ISCA1: variants seen among roughly 807,000 people sequenced by gnomAD.
ISCA1 encodes iron-sulfur cluster assembly 1 homolog, mitochondrial.
Under a neutral mutation model 14.7 loss-of-function variants are expected in ISCA1, and 9 were observed. The ratio of observed to expected loss-of-function variants is 0.61; its 90% CI spans 0.37 to 1.07. The LOEUF is 1.07. Ranked by LOEUF, ISCA1 falls within the 50% of genes least tolerant of loss-of-function variation. The pLI is 0.01. For synonymous variants in ISCA1, 38 were observed against 54.3 expected (o/e 0.70, Z 1.32); for missense variants, 102 against 150.1 (o/e 0.68, Z 1.67).
chr9:86,268,039 A>C (rs542528324), intron 3 of ISCA1, among the ~76,000 whole-genome samples: 65 of 152,040 alleles, frequency 4.3e-4, no homozygotes, highest in Non-Finnish European at 5.7e-4. Context: ...ATGATAATAA[A>C]TGGTTATGTT....
intron 3 of ISCA1, 47 bp from the exon 4 acceptor site, chr9:86,266,238 G>C: frequency 6.5e-7 from 1 of 1,543,444 alleles, no homozygotes; most frequent in Middle Eastern, 1.7e-4. Flanking sequence ...CAGCCTTATG[G>C]AACTTGCTGA....
At position 86,271,980 on chromosome 9, in the gene ISCA1, C is replaced by A. The variant is rs77138723; in HGVS notation, c.241+27G>T. On this transcript the variant is annotated intron_variant, in intron 3 of 3. Transcript: ENST00000375991. ...TAATAATTTTAGGCAAAACAATGTG[C>A]CCAAAAAATGTTTGTTAAAAACTCA... The A allele has an allele frequency of 5.2e-6, 7 of 1,336,066 alleles. No homozygotes were observed. The African/African-American group carries it at 8.7e-5, about 17-fold the overall frequency. 82.8% of individuals were successfully genotyped at this position (1,336,066 alleles called of 1,614,324 possible). A position where few individuals can be genotyped will look rare whatever the true frequency, so the allele number is the denominator to read the frequency against.
chr9:86,270,222 C>T (rs1825350644), intron 3 of ISCA1, among the ~76,000 whole-genome samples: 1 of 139,514 alleles, frequency 7.2e-6, no homozygotes, highest in Non-Finnish European at 1.5e-5. Flanking sequence ...CCAGAATCTA[C>T]AATGAACTCA....
At position 86,265,879 on chromosome 9, in the gene ISCA1, A is replaced by G. The variant is rs911163370; in HGVS notation, c.*164T>C. On this transcript the variant is annotated 3_prime_UTR_variant, in exon 4 of 4. Transcript: ENST00000375991. ...GATGGCTTCTCATTTTCTGTCCCCT[A>G]TAGAGAATATAAATATCATTTCTTC... 4.5e-6 allele frequency: 5 copies of G among 1,110,604 alleles called. No homozygotes were observed. Among genetic ancestry groups the G allele is most frequent in the East Asian group, 4.7e-5 (2 of 42,484 alleles). 68.8% of individuals were successfully genotyped at this position (1,110,604 alleles called of 1,614,324 possible). A position where few individuals can be genotyped will look rare whatever the true frequency, so the allele number is the denominator to read the frequency against.
At chr9:86,267,661 C>T in intron 3 of ISCA1, 1 of 816,908 alleles carries the variant, frequency 1.2e-6, no homozygotes, top group East Asian at 1.3e-4. Flanking sequence ...GTTGATAATA[C>T]AGCTCCACTA....
In ISCA1 at chr9:86,274,331, T is replaced by C. The variant is rs1161739767; in HGVS notation, c.82-89A>G. On this transcript the variant is annotated intron_variant, in intron 1 of 3. Coordinates refer to ENST00000375991, the MANE Select transcript of ISCA1 (RefSeq NM_030940.4). Reference sequence around the variant, plus strand: ...TCTTCGTAAGTCTGTCTTTAGCAAATTCATGTGACAAATTTATGTTCCATT... The same window carrying C: ...TCTTCGTAAGTCTGTCTTTAGCAAACTCATGTGACAAATTTATGTTCCATT... The C allele has an allele frequency of 3.6e-6, 3 of 825,060 alleles. No homozygotes were observed. The Admixed American group carries it at 6.7e-5, about 19-fold the overall frequency. 51.1% of individuals were successfully genotyped at this position (825,060 alleles called of 1,614,324 possible). A position where few individuals can be genotyped will look rare whatever the true frequency, so the allele number is the denominator to read the frequency against.
chr9:86,272,134 A>G, intron 2 of ISCA1, 22 bp from the exon 3 acceptor site: 2 of 1,450,972 alleles, frequency 1.4e-6, no homozygotes, highest in Non-Finnish European at 1.9e-6. Context: ...GTGAAAATAT[A>G]AACTTGGTTT....
Position 86,272,066 on chromosome 9 carries a change from G to C in ISCA1, c.182C>G (p.Ser61Cys). The C allele has an allele frequency of 6.2e-7, 1 of 1,607,802 alleles. No homozygotes were observed. Among genetic ancestry groups the C allele is most frequent in the South Asian group, 1.1e-5 (1 of 90,718 alleles). Reference protein sequence around the residue: ...GVRTRGCNGLSYTLEYTKTKG... With the variant: ...GVRTRGCNGLCYTLEYTKTKG... ...TGTCTTTGTATATTCTAGAGTATAAGAAAGGCCATTACAGCCCCTGGTTCG... is the reference window on the plus strand; with the variant it reads ...TGTCTTTGTATATTCTAGAGTATAACAAAGGCCATTACAGCCCCTGGTTCG... The change falls in exon 3 of 4, where the codon TCT (serine) becomes TGT (cysteine). Residue 61 changes from serine (S) to cysteine (C), a missense_variant. Physicochemically the swap from Ser to Cys is moderately radical, Grantham distance 112 (BLOSUM62 -1). Coordinates refer to ENST00000375991, the MANE Select transcript of ISCA1 (RefSeq NM_030940.4).
At chr9:86,269,626 A>G (rs1264741673) in intron 3 of ISCA1, among the ~76,000 whole-genome samples, 2 of 152,042 alleles carry the variant, frequency 1.3e-5, no homozygotes, top group Non-Finnish European at 2.9e-5. Context: ...AAAAACCCGC[A>G]TCGCCAAGTC....
At chr9:86,277,013 G>A (rs1825446493) in intron 1 of ISCA1, among the ~76,000 whole-genome samples, 2 of 151,366 alleles carry the variant, frequency 1.3e-5, no homozygotes, top group Admixed American at 1.3e-4. Flanking sequence ...CAAAACAAAT[G>A]TGTCTGTCAC....
In ISCA1 at chr9:86,264,782, A is replaced by C. The variant is rs1564007566; in HGVS notation, c.*1261T>G. The C allele has an allele frequency of 6.6e-6, 1 of 152,294 alleles. No individual in the cohort carries two copies. Among genetic ancestry groups the C allele is most frequent in the Non-Finnish European group, 1.5e-5 (1 of 68,046 alleles). 9.4% of individuals were successfully genotyped at this position (152,294 alleles called of 1,614,324 possible). On this transcript the variant is annotated 3_prime_UTR_variant, in exon 4 of 4. Transcript: ENST00000375991. ...TTCATGAGAATCAGCTTTCAAAAAA[A>C]GCATATATATCATCTCATAGAATAC...
At chr9:86,274,988 G>A (rs904401531) in intron 1 of ISCA1, among the ~76,000 whole-genome samples, 2 of 152,162 alleles carry the variant, frequency 1.3e-5, no homozygotes, top group Non-Finnish European at 2.9e-5. Context: ...GGTCGGTGTT[G>A]CCAACCCCAC....
At chr9:86,271,498 C>T (rs1228190082) in intron 3 of ISCA1, among the ~76,000 whole-genome samples, 1 of 152,186 alleles carries the variant, frequency 6.6e-6, no homozygotes. Flanking sequence ...GTCATGTCAG[C>T]ACCCACTTTT....
In ISCA1 at chr9:86,282,467, T is replaced by TC; in HGVS notation, c.-10dup. The TC allele has an allele frequency of 6.4e-7, 1 of 1,551,614 alleles. No individual in the cohort carries two copies. Among genetic ancestry groups the TC allele is most frequent in the South Asian group, 1.2e-5 (1 of 84,178 alleles). On this transcript the variant is annotated 5_prime_UTR_variant, in exon 1 of 4. Coordinates refer to ENST00000375991, the MANE Select transcript of ISCA1 (RefSeq NM_030940.4). ...ACTAAGGAAGCCGACATCTTCGCCG[T>TC]CCCGGCGCCCCGGTGCCTCGGGCCG...
In ISCA1 at chr9:86,271,549, G is replaced by A. The variant is rs1218656682; in HGVS notation, c.241+458C>T. On this transcript the variant is annotated intron_variant, in intron 3 of 3. Transcript: ENST00000375991. ...GGAGCATTTCAGATTTCAGATTTTT[G>A]GATTGGAATGCTCAACTCGTACTTA... Among the ~76,000 whole-genome samples, 4 of 152,110 alleles carry A rather than the reference G, an allele frequency of 2.6e-5. No homozygotes were observed. The East Asian group carries it at 7.7e-4, about 29-fold the overall frequency.
At chr9:86,282,173 G>A (rs181475333) in intron 1 of ISCA1, 8,998 of 606,090 alleles carry the variant, frequency 0.015, 97 homozygotes, top group Non-Finnish European at 0.018. Flanking sequence ...GGGGCCAAGA[G>A]AGCAGCCCCG....
At chr9:86,266,649 A>AATT (rs1440767520) in intron 3 of ISCA1, among the ~76,000 whole-genome samples, 2 of 152,190 alleles carry the variant, frequency 1.3e-5, no homozygotes, top group African/African-American at 4.8e-5. Context: ...GTACAACAAT[A>AATT]GTCTTTTCTG....
intron 3 of ISCA1, among the ~76,000 whole-genome samples, chr9:86,271,472 A>C (rs1825367902): frequency 6.6e-6 from 1 of 152,204 alleles, no homozygotes; most frequent in Non-Finnish European, 1.5e-5. Context: ...AGCTCCAATG[A>C]GCATTTCCTC....
intron 1 of ISCA1, among the ~76,000 whole-genome samples, chr9:86,278,120 C>T (rs927901969): frequency 3.9e-5 from 6 of 151,956 alleles, no homozygotes; most frequent in African/African-American, 1.2e-4. Flanking sequence ...TAAACATGTG[C>T]CAACAACTAC....
Sources: gnomAD v4.1 joint callset for allele counts (sites outside exome capture counted in the v4.1 genomes callset) on GRCh38, gnomAD v4.1.1 for gene constraint, MANE v1.5 for transcripts, NCBI Gene and HGNC (gene_info 2026-07-23, HGNC 2026-07-21) for gene names.